Variants in CCSER1 observed in about 807,000 individuals in gnomAD.
The protein encoded by CCSER1 is coiled-coil serine rich protein 1.
A neutral mutation model predicts 82.0 loss-of-function variants in CCSER1; 41 were observed. That is an observed-to-expected ratio of 0.50 (90% CI 0.39 to 0.65). The LOEUF (loss-of-function observed/expected upper bound fraction) is 0.65. Ranked by LOEUF, CCSER1 falls within the 30% of genes least tolerant of loss-of-function variation. The pLI is 0.00. For synonymous variants in CCSER1, 414 were observed against 383.9 expected (o/e 1.08, Z -0.92); for missense variants, 1,119 against 1,064.2 (o/e 1.05, Z -0.72).
chr4:90,864,301 G>T (rs1401705056), intron 8 of CCSER1, among the ~76,000 whole-genome samples: 1 of 151,906 alleles, frequency 6.6e-6, no homozygotes, highest in Non-Finnish European at 1.5e-5. Flanking sequence ...TTATGCTATG[G>T]TTTGAAAGTG....
intron 10 of CCSER1, among the ~76,000 whole-genome samples, chr4:91,269,569 A>G (rs1279925257): frequency 6.6e-6 from 1 of 152,166 alleles, no homozygotes; most frequent in Admixed American, 6.5e-5. Context: ...TTATCATTCT[A>G]CAACATTTAC....
intron 7 of CCSER1, among the ~76,000 whole-genome samples, chr4:90,770,209 A>G (rs1357437595): frequency 1.3e-5 from 2 of 152,166 alleles, no homozygotes; most frequent in Admixed American, 6.5e-5. Context: ...CATGATTACA[A>G]CCAGAAGAGA....
chr4:91,569,955 T>G (rs1260410513), intron 10 of CCSER1, among the ~76,000 whole-genome samples: 1 of 152,076 alleles, frequency 6.6e-6, no homozygotes, highest in East Asian at 1.9e-4. Flanking sequence ...CCAAAGCAAG[T>G]TAGTTACTTC....
chr4:90,494,281 G>A (rs986418947), intron 5 of CCSER1, among the ~76,000 whole-genome samples: 14 of 151,976 alleles, frequency 9.2e-5, no homozygotes, highest in Non-Finnish European at 1.8e-4. Flanking sequence ...CTTAGTGACC[G>A]ACAAAGAGAC....
chr4:91,510,734 G>T (rs1425272744), intron 10 of CCSER1, among the ~76,000 whole-genome samples: 1 of 151,872 alleles, frequency 6.6e-6, no homozygotes, highest in African/African-American at 2.4e-5. Flanking sequence ...ACCTTTTTTG[G>T]ATACATCGTT....
chr4:90,652,320 A>G (rs1188296133), intron 6 of CCSER1, among the ~76,000 whole-genome samples: 1 of 152,180 alleles, frequency 6.6e-6, no homozygotes, highest in East Asian at 1.9e-4. Flanking sequence ...AAAAGTTCCT[A>G]GTTTTTGTGA....
intron 10 of CCSER1, among the ~76,000 whole-genome samples, chr4:91,498,440 G>A (rs571754323): frequency 5.4e-4 from 75 of 137,640 alleles, no homozygotes; most frequent in African/African-American, 1.9e-3. Context: ...TTTATCCATC[G>A]TCTTTGTTCT....
intron 4 of CCSER1, among the ~76,000 whole-genome samples, chr4:90,418,549 A>G (rs1173287083): frequency 6.6e-6 from 1 of 152,028 alleles, no homozygotes; most frequent in East Asian, 1.9e-4. Flanking sequence ...TTCTCATTTG[A>G]GAAAGTTGGA....
intron 3 of CCSER1, among the ~76,000 whole-genome samples, chr4:90,359,911 A>G (rs1383260460): frequency 2.2e-5 from 3 of 135,624 alleles, no homozygotes; most frequent in African/African-American, 8.7e-5. Flanking sequence ...ATATATATAT[A>G]TATGTATATA....
rs375460511 is a variant in CCSER1, at chr4:90,309,845, T to C, written c.1324+237T>C. On this transcript the variant is annotated intron_variant, in intron 2 of 10. Coordinates refer to ENST00000509176, the MANE Select transcript of CCSER1 (RefSeq NM_001145065.2). The stretch of plus-strand genomic sequence containing the variant: ...ATTACTCATTTTTTCTCACTTATGT[T>C]ATCCATAACTAAGAAGCAGCCTCTT... Among the ~76,000 whole-genome samples the C allele has an allele frequency of 8.6e-4, 131 of 152,228 alleles. 2 individuals are homozygous for C. The South Asian group carries it at 0.026, about 30-fold the overall frequency.
At chr4:90,918,454 G>T (rs1214407419) in intron 8 of CCSER1, 8 of 326,262 alleles carry the variant, frequency 2.5e-5, no homozygotes, top group Non-Finnish European at 4.2e-5. Flanking sequence ...AGTCACTTGA[G>T]ACTTCATTTT....
intron 7 of CCSER1, among the ~76,000 whole-genome samples, chr4:90,734,338 G>T (rs1170602283): frequency 6.6e-6 from 1 of 151,952 alleles, no homozygotes; most frequent in African/African-American, 2.4e-5. Flanking sequence ...CGTTAGCCAG[G>T]ATGGTCTCGA....
At chr4:90,619,941 G>T (rs1258879367) in intron 5 of CCSER1, among the ~76,000 whole-genome samples, 1 of 151,982 alleles carries the variant, frequency 6.6e-6, no homozygotes, top group African/African-American at 2.4e-5. Context: ...TGACATTAAT[G>T]GCATGGAGAA....
intron 4 of CCSER1, among the ~76,000 whole-genome samples, chr4:90,466,317 C>T (rs1763634820): frequency 6.6e-6 from 1 of 152,180 alleles, no homozygotes; most frequent in Non-Finnish European, 1.5e-5. Flanking sequence ...GAAGGATGTT[C>T]CCCACTGCTG....
chr4:90,171,674 T>G (rs980008792), intron 1 of CCSER1, among the ~76,000 whole-genome samples: 1 of 151,910 alleles, frequency 6.6e-6, no homozygotes, highest in African/African-American at 2.4e-5. Context: ...ATTACTGGGC[T>G]TCTTTACTTA....
At chr4:90,532,730 C>T (rs1332485117) in intron 5 of CCSER1, among the ~76,000 whole-genome samples, 1 of 152,048 alleles carries the variant, frequency 6.6e-6, no homozygotes, top group Non-Finnish European at 1.5e-5. Context: ...TTTTCTATTT[C>T]TTACATTTAA....
chr4:91,231,461 T>C (rs1462419240), intron 10 of CCSER1, among the ~76,000 whole-genome samples: 1 of 151,616 alleles, frequency 6.6e-6, no homozygotes, highest in Non-Finnish European at 1.5e-5. Context: ...AGAGGTGTGG[T>C]GGGGGAATTA....
At chr4:91,496,803 TATATATATATTCA>T (rs1379530400) in intron 10 of CCSER1, among the ~76,000 whole-genome samples, 2 of 106,540 alleles carry the variant, frequency 1.9e-5, no homozygotes, top group Admixed American at 2.4e-4. Flanking sequence ...TATATTTGAA[TATATATATATTCA>T]ATATATATTG....
intron 10 of CCSER1, among the ~76,000 whole-genome samples, chr4:91,573,672 G>T (rs1352135747): frequency 6.6e-6 from 1 of 152,164 alleles, no homozygotes; most frequent in Non-Finnish European, 1.5e-5. Context: ...CCGTTGCCCT[G>T]CTTTGCTTTT....
Sources: gnomAD v4.1 joint callset for allele counts (sites outside exome capture counted in the v4.1 genomes callset) on GRCh38, gnomAD v4.1.1 for gene constraint, MANE v1.5 for transcripts, NCBI Gene and HGNC (gene_info 2026-07-23, HGNC 2026-07-21) for gene names.